RARRES1: variants seen among roughly 807,000 people sequenced by gnomAD.
The protein encoded by RARRES1 is retinoic acid receptor responder protein 1.
Under a neutral mutation model 30.6 loss-of-function variants are expected in RARRES1, and 34 were observed. The ratio of observed to expected loss-of-function variants is 1.11; its 90% CI spans 0.84 to 1.48. The LOEUF (loss-of-function observed/expected upper bound fraction) is 1.48, where lower values mean the gene tolerates loss of function less well. Ranked by LOEUF, RARRES1 falls within the 40% of genes most tolerant of loss-of-function variation. RARRES1 has a pLI of 0.00. For missense variants in RARRES1, 373 were observed against 386.5 expected, an observed-to-expected ratio of 0.97 and a Z score of 0.29; for synonymous variants, 153 against 155.5, an observed-to-expected ratio of 0.98 and a Z score of 0.12.
chr3:158,719,933 CATG>C (rs1230536823), intron 1 of RARRES1, among the ~76,000 whole-genome samples: 4 of 152,190 alleles, frequency 2.6e-5, no homozygotes, highest in African/African-American at 9.7e-5. Context: ...TGGAGGGAAT[CATG>C]ATAAAAGTGA....
At chr3:158,722,370 A>G (rs895006508) in intron 1 of RARRES1, among the ~76,000 whole-genome samples, 20 of 152,194 alleles carry the variant, frequency 1.3e-4, no homozygotes, top group African/African-American at 4.8e-4. Flanking sequence ...TGTCTGCACT[A>G]TCTTTACATT....
chr3:158,720,982 A>G, intron 1 of RARRES1, among the ~76,000 whole-genome samples: 1 of 152,178 alleles, frequency 6.6e-6, no homozygotes, highest in Non-Finnish European at 1.5e-5. Flanking sequence ...ACACACCTCA[A>G]CCCGTAACAG....
chr3:158,732,062 G>T, intron 1 of RARRES1, 78 bp downstream of exon 1: 3 of 1,228,058 alleles, frequency 2.4e-6, no homozygotes, highest in Non-Finnish European at 3.1e-6. Context: ...GCCGGCAGGC[G>T]CGCGTACCCA....
intron 1 of RARRES1, among the ~76,000 whole-genome samples, chr3:158,730,449 A>AGGGTCTC (rs1287071682): frequency 8.2e-6 from 1 of 121,412 alleles, no homozygotes; most frequent in Admixed American, 9.6e-5. Context: ...TTTTCCCCAT[A>AGGGTCTC]GGGTCTCACT....
intron 1 of RARRES1, among the ~76,000 whole-genome samples, chr3:158,729,342 G>A (rs1727796439): frequency 6.6e-6 from 1 of 151,544 alleles, no homozygotes; most frequent in East Asian, 2.0e-4. Context: ...ATTCACTCGG[G>A]TTTTGAGAGC....
chr3:158,714,093 G>T (rs933303277), intron 1 of RARRES1, among the ~76,000 whole-genome samples: 3 of 152,092 alleles, frequency 2.0e-5, no homozygotes, highest in African/African-American at 7.2e-5. Context: ...GGAAATGGTT[G>T]CGTTCTGACT....
At chr3:158,718,722 T>A (rs1182499496) in intron 1 of RARRES1, among the ~76,000 whole-genome samples, 1 of 152,170 alleles carries the variant, frequency 6.6e-6, no homozygotes, top group African/African-American at 2.4e-5. Flanking sequence ...AGGCACCCTG[T>A]GGGGAGGTGG....
chr3:158,701,998 C>CA (rs1321369432), intron 4 of RARRES1, among the ~76,000 whole-genome samples: 3 of 152,076 alleles, frequency 2.0e-5, no homozygotes, highest in African/African-American at 4.8e-5. Flanking sequence ...AACTCTTAGT[C>CA]AATGACCATT....
At chr3:158,704,421 A>G (rs1207325913) in intron 4 of RARRES1, among the ~76,000 whole-genome samples, 1 of 151,850 alleles carries the variant, frequency 6.6e-6, no homozygotes, top group Non-Finnish European at 1.5e-5. Context: ...TTGTAGAGAT[A>G]GGGCCTTGCT....
intron 4 of RARRES1, among the ~76,000 whole-genome samples, chr3:158,699,954 A>AC (rs1256463950): frequency 6.6e-6 from 1 of 152,078 alleles, no homozygotes; most frequent in African/African-American, 2.4e-5. Context: ...GATGTCCCAC[A>AC]CCAGCTGGAT....
intron 1 of RARRES1, among the ~76,000 whole-genome samples, chr3:158,718,477 T>C (rs1323441731): frequency 6.6e-6 from 1 of 152,150 alleles, no homozygotes; most frequent in African/African-American, 2.4e-5. Flanking sequence ...AAATAAGCAA[T>C]GAGTTAATAC....
At chr3:158,701,971 G>A (rs1726741027) in intron 4 of RARRES1, among the ~76,000 whole-genome samples, 1 of 151,618 alleles carries the variant, frequency 6.6e-6, no homozygotes, top group African/African-American at 2.4e-5. Flanking sequence ...ACATCGCAGG[G>A]GGAAAAAAAA....
intron 3 of RARRES1, among the ~76,000 whole-genome samples, chr3:158,705,282 G>C (rs1235965527): frequency 2.0e-5 from 3 of 152,148 alleles, no homozygotes; most frequent in African/African-American, 7.2e-5. Flanking sequence ...GGCCTGAGCT[G>C]CTTCTCCCTG....
At chr3:158,705,383 A>G (rs1418470065) in intron 3 of RARRES1, among the ~76,000 whole-genome samples, 3 of 152,024 alleles carry the variant, frequency 2.0e-5, no homozygotes, top group African/African-American at 4.8e-5. Context: ...TGACTTTTCC[A>G]TACTCATTAC....
At chr3:158,724,281 C>T (rs564868938) in intron 1 of RARRES1, among the ~76,000 whole-genome samples, 1 of 152,218 alleles carries the variant, frequency 6.6e-6, no homozygotes, top group Non-Finnish European at 1.5e-5. Flanking sequence ...AATGCCCCCC[C>T]ACAGCCCTTG....
chr3:158,719,256 G>A (rs1427488994), intron 1 of RARRES1, among the ~76,000 whole-genome samples: 1 of 149,356 alleles, frequency 6.7e-6, no homozygotes. Flanking sequence ...CTAATAACAT[G>A]GTTTATGCTC....
intron 4 of RARRES1, among the ~76,000 whole-genome samples, chr3:158,702,440 G>A (rs1483820694): frequency 9.9e-5 from 15 of 152,156 alleles, no homozygotes; most frequent in Non-Finnish European, 5.9e-5. Flanking sequence ...CATGAAAGAC[G>A]GGTTAGAATG....
intron 4 of RARRES1, among the ~76,000 whole-genome samples, chr3:158,703,193 C>T (rs1343214856): frequency 1.3e-5 from 2 of 152,176 alleles, no homozygotes; most frequent in African/African-American, 2.4e-5. Flanking sequence ...TCCACAAGCT[C>T]CTACTTTGAT....
intron 3 of RARRES1, chr3:158,705,682 A>G (rs1040470356): frequency 2.6e-5 from 4 of 152,200 alleles, no homozygotes; most frequent in African/African-American, 7.2e-5. Context: ...TCTACAGTCA[A>G]TGTGATGGTG....
Sources: gnomAD v4.1 joint callset for allele counts (sites outside exome capture counted in the v4.1 genomes callset) on GRCh38, gnomAD v4.1.1 for gene constraint, MANE v1.5 for transcripts, NCBI Gene and HGNC (gene_info 2026-07-23, HGNC 2026-07-21) for gene names.